Variants in ACTG2 observed in about 807,000 individuals in gnomAD.
ACTG2 encodes actin gamma 2, smooth muscle.
Under a neutral mutation model 37.6 loss-of-function variants are expected in ACTG2, and 16 were observed. The observed-to-expected ratio is 0.43, with a 90% CI of 0.29 to 0.65. The LOEUF (loss-of-function observed/expected upper bound fraction) is 0.65. Among genes scored for constraint, ACTG2 ranks in the 30% least tolerant of loss-of-function variants. ACTG2 has a pLI of 0.18. For missense variants in ACTG2, 238 were observed against 490.9 expected (o/e 0.48, Z 4.87); for synonymous variants, 181 against 179.9 (o/e 1.01, Z -0.05).
chr2:73,901,533 TGTGTGTGTGTGTGTGTGTGTGTG>T lies in ACTG2; in HGVS notation c.126+97_126+119del. ...TGAGCTGGGGGTTAGGGGAAGGAAA[TGTGTGTGTGTGTGTGTGTGTGTG>T]TGTGTGTGTGTGTGTGTGTGTGTGT... On this transcript the variant is annotated intron_variant, in intron 2 of 8. Transcript: ENST00000345517. 50 of 571,404 alleles carry T rather than the reference TGTGTGTGTGTGTGTGTGTGTGTG, an allele frequency of 8.8e-5. 5 individuals carry two copies. The highest frequency in any genetic ancestry group is 3.6e-4 in the Middle Eastern group (1 of 2,814). 35.4% of individuals were successfully genotyped at this position (571,404 alleles called of 1,614,324 possible).
At chr2:73,900,948 T>C (rs940192871) in intron 1 of ACTG2, among the ~76,000 whole-genome samples, 1 of 152,202 alleles carries the variant, frequency 6.6e-6, no homozygotes, top group Non-Finnish European at 1.5e-5. Context: ...AGACACCCAT[T>C]GTACTGGAGT....
intron 5 of ACTG2, among the ~76,000 whole-genome samples, chr2:73,913,000 T>A (rs901100403): frequency 2.0e-5 from 3 of 151,788 alleles, no homozygotes; most frequent in Non-Finnish European, 4.4e-5. Context: ...AAACCCCACA[T>A]CTACTAAAAA....
At chr2:73,912,135 C>G (rs1172020712) in intron 5 of ACTG2, among the ~76,000 whole-genome samples, 2 of 152,146 alleles carry the variant, frequency 1.3e-5, no homozygotes, top group Non-Finnish European at 2.9e-5. Context: ...AGTGTCGTAT[C>G]CTGTGCTTTG....
In ACTG2 at chr2:73,901,648, T is replaced by A. The variant is rs563700454; in HGVS notation, c.126+211T>A. On this transcript the variant is annotated intron_variant, in intron 2 of 8. Transcript: ENST00000345517. ...TGTGTGCACGCCAGGTGTAGGGAGT[T>A]CTTTTCTGATTAACTGATAGAGCAG... The A allele has an allele frequency of 1.1e-4, 94 of 850,326 alleles. No individual in the cohort carries two copies. In the African/African-American group the frequency reaches 1.8e-3, roughly 16 times the overall value. The allele number at this position is 850,326 out of a possible 1,614,324, so 52.7% of individuals were successfully genotyped here.
intron 1 of ACTG2, among the ~76,000 whole-genome samples, chr2:73,894,039 T>C (rs1464029799): frequency 2.0e-5 from 3 of 152,042 alleles, no homozygotes; most frequent in South Asian, 2.1e-4. Flanking sequence ...GGCGATGGTG[T>C]GAGGATTAAA....
chr2:73,907,995 T>C (rs73950305), intron 3 of ACTG2, among the ~76,000 whole-genome samples: 3,508 of 152,292 alleles, frequency 0.023, 130 homozygotes, highest in African/African-American at 0.08. Flanking sequence ...GTTTTGAAAT[T>C]GTTTGACAGT....
intron 8 of ACTG2, among the ~76,000 whole-genome samples, chr2:73,917,765 C>T (rs1019126130): frequency 2.0e-5 from 3 of 152,208 alleles, no homozygotes; most frequent in African/African-American, 7.2e-5. Flanking sequence ...ATGGAGCAAA[C>T]CAGCAGGAAA....
Position 73,901,261 on chromosome 2 carries a change from C to T in ACTG2, c.-36-15C>T, listed in dbSNP as rs756929932. The T allele has an allele frequency of 1.3e-5, 20 of 1,499,492 alleles. No individual in the cohort carries two copies. Among genetic ancestry groups the T allele is most frequent in the Non-Finnish European group, 1.6e-5 (18 of 1,117,368 alleles). The allele number at this position is 1,499,492 out of a possible 1,614,324, so 92.9% of individuals were successfully genotyped here. On this transcript the variant is annotated splice_polypyrimidine_tract_variant and intron_variant, in intron 1 of 8. Transcript: ENST00000345517. The stretch of plus-strand genomic sequence containing the variant: ...ACAAGTGGCTGACTAGTTCTCTTCT[C>T]CCGCAAATCCCAAGGTGCTCCAGTC...
At chr2:73,906,553 T>C (rs532560931) in intron 3 of ACTG2, among the ~76,000 whole-genome samples, 5 of 152,326 alleles carry the variant, frequency 3.3e-5, no homozygotes, top group African/African-American at 1.2e-4. Context: ...CAGTCATAAC[T>C]CACTGTGGTC....
chr2:73,915,158 G>A (rs1680230668), intron 7 of ACTG2, among the ~76,000 whole-genome samples: 1 of 152,098 alleles, frequency 6.6e-6, no homozygotes, highest in Non-Finnish European at 1.5e-5. Context: ...CAGCAATGTA[G>A]CAAGGTCAGG....
At chr2:73,908,953 C>A (rs1680071956) in intron 4 of ACTG2, 102 bp from the exon 5 acceptor site, 9 of 1,307,814 alleles carry the variant, frequency 6.9e-6, no homozygotes, top group Middle Eastern at 1.8e-4. Flanking sequence ...AACTATCAAA[C>A]TGGCATAGTT....
intron 6 of ACTG2, among the ~76,000 whole-genome samples, chr2:73,914,327 A>C (rs999991543): frequency 9.2e-5 from 14 of 152,108 alleles, no homozygotes; most frequent in Non-Finnish European, 1.8e-4. Flanking sequence ...TGGGAGGCCA[A>C]GCAGGCAGAT....
chr2:73,899,744 A>C (rs532597814), intron 1 of ACTG2, among the ~76,000 whole-genome samples: 1 of 152,154 alleles, frequency 6.6e-6, no homozygotes, highest in Admixed American at 6.5e-5. Flanking sequence ...TGCTTAGTAC[A>C]TGGCTTTATC....
rs1228854151 is a variant in ACTG2 at position 73,919,741 on chromosome 2, A to AGT, written c.*168_*169dup. On this transcript the variant is annotated 3_prime_UTR_variant, in exon 9 of 9. Coordinates refer to ENST00000345517, the MANE Select transcript of ACTG2 (RefSeq NM_001615.4). Reference sequence around the variant, plus strand: ...ACACATTACTTTTAATCCATGCAATAGTGCTGTAAGGTAGGTGCTATCATT... The same window carrying AGT: ...ACACATTACTTTTAATCCATGCAATAGTGTGCTGTAAGGTAGGTGCTATCATT... 3 of 714,374 alleles carry AGT rather than the reference A, an allele frequency of 4.2e-6. No individual in the cohort carries two copies. The highest frequency in any genetic ancestry group is 6.5e-6 in the Non-Finnish European group (3 of 458,650). 44.3% of individuals were successfully genotyped at this position (714,374 alleles called of 1,614,324 possible).
chr2:73,898,802 C>CTTTT (rs1165118275), intron 1 of ACTG2, among the ~76,000 whole-genome samples: 7 of 93,014 alleles, frequency 7.5e-5, no homozygotes, highest in African/African-American at 1.5e-4. Context: ...TTTTTTTTTT[C>CTTTT]TTTTTTTTTT....
intron 1 of ACTG2, among the ~76,000 whole-genome samples, chr2:73,898,180 T>A (rs1679789335): frequency 6.7e-6 from 1 of 149,540 alleles, no homozygotes; most frequent in Non-Finnish European, 1.5e-5. Context: ...CATGGAGAAG[T>A]TATGACAGTT....
chr2:73,914,577 A>AAT, intron 6 of ACTG2, 103 bp from the exon 7 acceptor site: 1 of 820,770 alleles, frequency 1.2e-6, no homozygotes, highest in Non-Finnish European at 1.7e-6. Context: ...AAAAAAAAAA[A>AAT]GAATAAAGTA....
intron 8 of ACTG2, among the ~76,000 whole-genome samples, chr2:73,918,553 A>C (rs1680318432): frequency 6.6e-6 from 1 of 152,214 alleles, no homozygotes; most frequent in South Asian, 2.1e-4. Flanking sequence ...GGTTTGCTCT[A>C]GCACTGAATT....
chr2:73,901,661 A>T, intron 2 of ACTG2: 1 of 789,504 alleles, frequency 1.3e-6, no homozygotes, highest in Non-Finnish European at 1.9e-6. Context: ...TTTCTGATTA[A>T]CTGATAGAGC....
Sources: allele counts gnomAD v4.1 joint callset (sites outside exome capture counted in the v4.1 genomes callset), GRCh38; gene constraint gnomAD v4.1.1; transcripts MANE v1.5; gene names NCBI Gene and HGNC (gene_info 2026-07-23, HGNC 2026-07-21).